CDH18: variants seen among roughly 807,000 people sequenced by gnomAD.
The protein encoded by CDH18 is cadherin 18, also known as cadherin-18.
A neutral mutation model predicts 67.9 loss-of-function variants in CDH18; 31 were observed. The ratio of observed to expected loss-of-function variants is 0.46; its 90% CI spans 0.34 to 0.62. The LOEUF is 0.62. CDH18 is among the 20% of genes least tolerant of loss of function. CDH18 has a pLI of 0.01. For missense variants in CDH18, 890 were observed against 975.5 expected, an observed-to-expected ratio of 0.91 and a Z score of 1.17; for synonymous variants, 362 against 347.2, an observed-to-expected ratio of 1.04 and a Z score of -0.48.
At chr5:19,958,263 C>T (rs187657998) in intron 2 of CDH18, among the ~76,000 whole-genome samples, 6 of 150,946 alleles carry the variant, frequency 4.0e-5, no homozygotes, top group South Asian at 4.2e-4. Context: ...AGCCATGTTG[C>T]GATGCCCAAT....
At chr5:20,091,162 AT>A (rs551016870) in intron 2 of CDH18, among the ~76,000 whole-genome samples, 111 of 152,190 alleles carry the variant, frequency 7.3e-4, no homozygotes, top group Non-Finnish European at 1.4e-3. Context: ...TGCAAGTTGA[AT>A]TTTTTTAAAG....
At chr5:19,505,919 T>C (rs183529134) in intron 10 of CDH18, among the ~76,000 whole-genome samples, 1,575 of 152,270 alleles carry the variant, frequency 0.01, 22 homozygotes, top group African/African-American at 0.036. Context: ...GTACCTCTGG[T>C]AGAATTTGGC....
intron 2 of CDH18, among the ~76,000 whole-genome samples, chr5:20,194,022 G>T (rs1460971283): frequency 6.6e-6 from 1 of 152,004 alleles, no homozygotes; most frequent in Non-Finnish European, 1.5e-5. Flanking sequence ...TGGAAGTCTT[G>T]TAACTTTGAA....
intron 8 of CDH18, among the ~76,000 whole-genome samples, chr5:19,564,208 G>A (rs1739964208): frequency 6.6e-6 from 1 of 152,144 alleles, no homozygotes; most frequent in African/African-American, 2.4e-5. Flanking sequence ...GGAGCCAGTG[G>A]ATCTGGAGTG....
chr5:20,170,911 T>C (rs193026141), intron 2 of CDH18, among the ~76,000 whole-genome samples: 1 of 152,200 alleles, frequency 6.6e-6, no homozygotes, highest in East Asian at 1.9e-4. Context: ...TTTGTGTCCA[T>C]ATGTTCTCAT....
At position 19,838,812 on chromosome 5, in the gene CDH18, G is replaced by A; in HGVS notation, c.175C>T (p.Gln59Ter). 1 of 1,613,928 alleles carries A rather than the reference G, an allele frequency of 6.2e-7. No homozygotes were observed. The change falls in exon 3 of 13, where the codon CAG becomes TAG. Residue 59 changes from glutamine (Q) to a stop codon, truncating the protein, a stop_gained. Coordinates refer to ENST00000382275, the MANE Select transcript of CDH18 (RefSeq NM_004934.5). LOFTEE classifies it high-confidence loss of function. ...ATATGTTCTTCTAAAACAAAGAACTGATTCCATACCCATCCCCTTTTGGGA... is the reference window on the plus strand; with the variant it reads ...ATATGTTCTTCTAAAACAAAGAACTAATTCCATACCCATCCCCTTTTGGGA... ...HRPKRGWVWN[Q>*]FFVLEEHMGP...
chr5:19,633,988 A>G (rs910309721), intron 5 of CDH18, among the ~76,000 whole-genome samples: 1 of 152,132 alleles, frequency 6.6e-6, no homozygotes, highest in Non-Finnish European at 1.5e-5. Flanking sequence ...GGGTGTAATG[A>G]TATCACTTTA....
intron 2 of CDH18, among the ~76,000 whole-genome samples, chr5:20,247,683 G>C (rs1438622895): frequency 6.6e-6 from 1 of 151,106 alleles, no homozygotes; most frequent in Non-Finnish European, 1.5e-5. Flanking sequence ...AGAATCACTT[G>C]AACCCGGGAG....
chr5:20,509,667 C>T (rs59971616), intron 1 of CDH18, among the ~76,000 whole-genome samples: 6,002 of 17,210 alleles, frequency 0.35, 408 homozygotes, highest in African/African-American at 0.44. Context: ...GATCCGCCCG[C>T]CTTGGCCTCC....
chr5:19,478,130 A>AT (rs1738797101), intron 12 of CDH18, among the ~76,000 whole-genome samples: 2 of 151,968 alleles, frequency 1.3e-5, no homozygotes, highest in African/African-American at 2.4e-5. Flanking sequence ...CATAATATGT[A>AT]TTTTTTCCTA....
chr5:19,730,863 C>T (rs1767501978), intron 4 of CDH18, among the ~76,000 whole-genome samples: 1 of 151,362 alleles, frequency 6.6e-6, no homozygotes, highest in Non-Finnish European at 1.5e-5. Context: ...ATATATTAGC[C>T]ATTAAACAAT....
At chr5:20,027,217 A>G (rs1178627187) in intron 2 of CDH18, among the ~76,000 whole-genome samples, 1 of 152,166 alleles carries the variant, frequency 6.6e-6, no homozygotes, top group Non-Finnish European at 1.5e-5. Flanking sequence ...CTTTTTACAT[A>G]TGATTAAACT....
intron 1 of CDH18, among the ~76,000 whole-genome samples, chr5:20,390,894 A>C (rs1030168066): frequency 6.6e-6 from 1 of 152,022 alleles, no homozygotes; most frequent in Non-Finnish European, 1.5e-5. Flanking sequence ...AGGACAAAAA[A>C]CCAAACACAT....
At chr5:19,710,617 A>C (rs2150526453) in intron 5 of CDH18, among the ~76,000 whole-genome samples, 1 of 152,252 alleles carries the variant, frequency 6.6e-6, no homozygotes, top group Admixed American at 6.5e-5. Context: ...GAATATTACA[A>C]AATTGATAGA....
At chr5:19,530,341 A>C (rs1335757835) in intron 9 of CDH18, among the ~76,000 whole-genome samples, 2 of 152,154 alleles carry the variant, frequency 1.3e-5, no homozygotes, top group African/African-American at 2.4e-5. Context: ...TAATAAAGGA[A>C]ATTTTTGTTA....
intron 1 of CDH18, among the ~76,000 whole-genome samples, chr5:20,434,533 G>A (rs887107577): frequency 1.3e-5 from 2 of 152,044 alleles, no homozygotes; most frequent in African/African-American, 4.8e-5. Flanking sequence ...AATAAAGCCA[G>A]TAGCCAGAAT....
intron 2 of CDH18, among the ~76,000 whole-genome samples, chr5:19,995,962 C>A (rs546333359): frequency 6.6e-6 from 1 of 151,988 alleles, no homozygotes; most frequent in African/African-American, 2.4e-5. Flanking sequence ...TCTTAACCAC[C>A]AAAGAAATAT....
intron 2 of CDH18, among the ~76,000 whole-genome samples, chr5:20,123,414 A>G (rs1748538226): frequency 6.6e-6 from 1 of 152,192 alleles, no homozygotes; most frequent in Non-Finnish European, 1.5e-5. Flanking sequence ...TTTGGCCCCA[A>G]CAACCTTACC....
intron 2 of CDH18, among the ~76,000 whole-genome samples, chr5:20,021,236 T>A (rs868726526): frequency 1.3e-4 from 20 of 152,158 alleles, no homozygotes; most frequent in Admixed American, 1.3e-4. Context: ...TTAATTTTAC[T>A]GTCTCATAGG....
Sources: gnomAD v4.1 joint callset for allele counts (sites outside exome capture counted in the v4.1 genomes callset) on GRCh38, gnomAD v4.1.1 for gene constraint, MANE v1.5 for transcripts, NCBI Gene and HGNC (gene_info 2026-07-23, HGNC 2026-07-21) for gene names.